CADM2: variants seen among roughly 807,000 people sequenced by gnomAD.
The protein encoded by CADM2 is immunoglobulin superfamily member 4D.
Under a neutral mutation model 49.8 loss-of-function variants are expected in CADM2, and 12 were observed. The observed-to-expected ratio is 0.24, with a 90% confidence interval of 0.15 to 0.39. The LOEUF (loss-of-function observed/expected upper bound fraction) is 0.39. Ranked by LOEUF, CADM2 falls within the 10% of genes least tolerant of loss-of-function variation. The probability of loss-of-function intolerance (pLI) is 1.00; values close to 1 mark genes in which losing one functional copy is unlikely to be tolerated. For missense variants in CADM2, 378 were observed against 492.3 expected (o/e 0.77, Z 2.20); for synonymous variants, 214 against 175.4 (o/e 1.22, Z -1.74).
chr3:85,273,727 T>C (rs2043297354), intron 1 of CADM2, among the ~76,000 whole-genome samples: 1 of 133,576 alleles, frequency 7.5e-6, no homozygotes, highest in African/African-American at 4.0e-5. Flanking sequence ...CTACTGGACA[T>C]TTAGATGGAA....
At chr3:85,911,475 G>C (rs1717580544) in intron 5 of CADM2, among the ~76,000 whole-genome samples, 1 of 152,184 alleles carries the variant, frequency 6.6e-6, no homozygotes, top group Non-Finnish European at 1.5e-5. Flanking sequence ...TCAGCCAAGT[G>C]AAGAGCATTC....
chr3:85,932,237 C>G (rs1328913465), intron 6 of CADM2, among the ~76,000 whole-genome samples: 1 of 152,022 alleles, frequency 6.6e-6, no homozygotes, highest in Non-Finnish European at 1.5e-5. Flanking sequence ...TATGTCACTG[C>G]GTGGATGCTA....
chr3:85,945,228 G>C (rs1007921959), intron 7 of CADM2, among the ~76,000 whole-genome samples: 1 of 152,024 alleles, frequency 6.6e-6, no homozygotes, highest in Non-Finnish European at 1.5e-5. Context: ...ACTAAACCAG[G>C]AAGAAGTTGA....
At chr3:85,812,003 A>C (rs1466747406) in intron 3 of CADM2, among the ~76,000 whole-genome samples, 2 of 152,050 alleles carry the variant, frequency 1.3e-5, no homozygotes, top group Non-Finnish European at 1.5e-5. Flanking sequence ...TCACAATTTC[A>C]GTTCAACTGT....
chr3:85,142,344 T>C (rs1022864413), intron 1 of CADM2, among the ~76,000 whole-genome samples: 2 of 152,182 alleles, frequency 1.3e-5, no homozygotes, highest in African/African-American at 2.4e-5. Flanking sequence ...AAATACGTCA[T>C]ATCTTGATTT....
At chr3:85,428,521 C>CAT (rs1267914611) in intron 1 of CADM2, among the ~76,000 whole-genome samples, 1 of 143,102 alleles carries the variant, frequency 7.0e-6, no homozygotes, top group Non-Finnish European at 1.5e-5. Flanking sequence ...ATTAGTAAGG[C>CAT]ATATATATAC....
intron 1 of CADM2, among the ~76,000 whole-genome samples, chr3:85,330,998 T>A (rs1463427069): frequency 6.6e-6 from 1 of 152,080 alleles, no homozygotes; most frequent in Non-Finnish European, 1.5e-5. Flanking sequence ...TTAGAACGTT[T>A]ATGGATATAT....
At chr3:85,860,577 G>T (rs1433658243) in intron 3 of CADM2, among the ~76,000 whole-genome samples, 1 of 152,144 alleles carries the variant, frequency 6.6e-6, no homozygotes, top group African/African-American at 2.4e-5. Flanking sequence ...CCAGTCTCTG[G>T]TGAGGGCCTG....
At chr3:85,760,202 A>T (rs1363176548) in intron 2 of CADM2, among the ~76,000 whole-genome samples, 1 of 152,142 alleles carries the variant, frequency 6.6e-6, no homozygotes, top group Non-Finnish European at 1.5e-5. Context: ...AAATGTACAC[A>T]TTGGGAAAAT....
At chr3:85,772,972 G>A (rs1473036829) in intron 2 of CADM2, among the ~76,000 whole-genome samples, 1 of 150,092 alleles carries the variant, frequency 6.7e-6, no homozygotes, top group African/African-American at 2.5e-5. Flanking sequence ...GATTCCCTGT[G>A]ATAAATATAT....
At chr3:85,668,570 G>C (rs2065644793) in intron 1 of CADM2, among the ~76,000 whole-genome samples, 1 of 152,056 alleles carries the variant, frequency 6.6e-6, no homozygotes, top group African/African-American at 2.4e-5. Flanking sequence ...TAGTGAATAA[G>C]TCTCAGGAGA....
chr3:85,084,657 C>T (rs370715351), intron 1 of CADM2, among the ~76,000 whole-genome samples: 6 of 152,168 alleles, frequency 3.9e-5, no homozygotes, highest in East Asian at 1.9e-4. Context: ...AAATACATTA[C>T]TTAAAGTAAA....
intron 1 of CADM2, among the ~76,000 whole-genome samples, chr3:85,028,492 G>T (rs1469077303): frequency 6.6e-6 from 1 of 152,076 alleles, no homozygotes; most frequent in Non-Finnish European, 1.5e-5. Flanking sequence ...TAAAAAAATT[G>T]TATAATTTAC....
chr3:85,024,177 G>T (rs1043547178), intron 1 of CADM2, among the ~76,000 whole-genome samples: 1 of 152,076 alleles, frequency 6.6e-6, no homozygotes, highest in Non-Finnish European at 1.5e-5. Flanking sequence ...CAAATATCTC[G>T]CAAGTTATCA....
At chr3:85,645,618 A>G (rs1294037571) in intron 1 of CADM2, among the ~76,000 whole-genome samples, 4 of 152,006 alleles carry the variant, frequency 2.6e-5, no homozygotes, top group African/African-American at 7.2e-5. Flanking sequence ...AAAAATTTTT[A>G]TACCACAATT....
chr3:85,561,986 T>A (rs2062108493), intron 1 of CADM2, among the ~76,000 whole-genome samples: 1 of 152,020 alleles, frequency 6.6e-6, no homozygotes, highest in Non-Finnish European at 1.5e-5. Flanking sequence ...AAAGTTAATT[T>A]TAGAAAAGTG....
intron 1 of CADM2, among the ~76,000 whole-genome samples, chr3:85,666,370 ATATCTC>A (rs1559580227): frequency 6.6e-6 from 1 of 151,922 alleles, no homozygotes; most frequent in African/African-American, 2.4e-5. Context: ...TTCAGCCCCA[ATATCTC>A]TATCAGATTT....
At chr3:84,961,122 A>G (rs1277045132) in intron 1 of CADM2, among the ~76,000 whole-genome samples, 3 of 152,154 alleles carry the variant, frequency 2.0e-5, no homozygotes, top group Non-Finnish European at 4.4e-5. Context: ...TCTGAAAGTA[A>G]GACACACGTA....
rs540328938 is a variant in CADM2 at position 84,973,928 on chromosome 3, A to C, written c.61+14260A>C. Among the ~76,000 whole-genome samples, 14 of 152,280 alleles carry C rather than the reference A, an allele frequency of 9.2e-5. No individual in the cohort carries two copies. The South Asian group carries it at 2.9e-3, about 32-fold the overall frequency. ...ATTCAATATGTTTGAAATATTAACC[A>C]CCTGGTCAACAAAGCTGAAGAATAC... On this transcript the variant is annotated intron_variant, in intron 1 of 9. Coordinates refer to ENST00000383699, the MANE Select transcript of CADM2 (RefSeq NM_001167675.2).
Sources: allele counts gnomAD v4.1 joint callset (sites outside exome capture counted in the v4.1 genomes callset), GRCh38; gene constraint gnomAD v4.1.1; transcripts MANE v1.5; gene names NCBI Gene and HGNC (gene_info 2026-07-23, HGNC 2026-07-21).